GRID1: variants seen among roughly 807,000 people sequenced by gnomAD.
The protein encoded by GRID1 is glutamate ionotropic receptor delta type subunit 1, also known as glutamate receptor ionotropic, delta-1.
GRID1 carries 28 observed loss-of-function variants against 98.0 expected under a neutral mutation model. The observed-to-expected ratio is 0.29, with a 90% CI of 0.21 to 0.39. The LOEUF is 0.39. Ranked by LOEUF, GRID1 falls within the 10% of genes least tolerant of loss-of-function variation. The probability of loss-of-function intolerance (pLI) is 1.00; values close to 1 mark genes in which losing one functional copy is unlikely to be tolerated. For missense variants in GRID1, 1,111 were observed against 1,340.5 expected, an observed-to-expected ratio of 0.83 and a Z score of 2.67; for synonymous variants, 553 against 538.5, an observed-to-expected ratio of 1.03 and a Z score of -0.37.
intron 8 of GRID1, among the ~76,000 whole-genome samples, chr10:85,782,752 T>A (rs1842392243): frequency 6.6e-6 from 1 of 152,192 alleles, no homozygotes; most frequent in Non-Finnish European, 1.5e-5. Context: ...GGGCAGCTGC[T>A]GTGGAGCCAG....
At chr10:86,331,384 T>C (rs1848140033) in intron 2 of GRID1, among the ~76,000 whole-genome samples, 1 of 152,102 alleles carries the variant, frequency 6.6e-6, no homozygotes, top group Non-Finnish European at 1.5e-5. Context: ...GGGAGGCCAC[T>C]ACCTGCTGAG....
intron 8 of GRID1, among the ~76,000 whole-genome samples, chr10:85,847,534 A>G (rs1035124694): frequency 6.6e-6 from 1 of 152,242 alleles, no homozygotes; most frequent in African/African-American, 2.4e-5. Context: ...ATTTCTAAAA[A>G]TCAATGAGGA....
chr10:86,189,446 C>T (rs754331691), intron 3 of GRID1, among the ~76,000 whole-genome samples: 6 of 152,008 alleles, frequency 3.9e-5, no homozygotes, highest in Non-Finnish European at 5.9e-5. Flanking sequence ...ACACAGCCTC[C>T]TCATTACTCC....
At chr10:86,270,496 C>G (rs1344252601) in intron 2 of GRID1, among the ~76,000 whole-genome samples, 3 of 152,106 alleles carry the variant, frequency 2.0e-5, no homozygotes. Context: ...TCGAAACCAC[C>G]CTGGCCAACA....
chr10:85,630,896 T>G (rs1298935324), intron 13 of GRID1, among the ~76,000 whole-genome samples: 1 of 152,180 alleles, frequency 6.6e-6, no homozygotes, highest in Non-Finnish European at 1.5e-5. Context: ...GATCTTCTCT[T>G]GAACACAGGT....
intron 2 of GRID1, among the ~76,000 whole-genome samples, chr10:86,350,187 G>A (rs149455287): frequency 3.3e-5 from 5 of 152,318 alleles, no homozygotes; most frequent in East Asian, 3.9e-4. Context: ...GAGAAGTGGC[G>A]GCTAAGACAC....
chr10:85,894,275 G>A (rs1917141), intron 5 of GRID1, among the ~76,000 whole-genome samples: 37,362 of 151,974 alleles, frequency 0.25, 4,751 homozygotes, highest in African/African-American at 0.29. Context: ...AATAAAATAA[G>A]GATTAATCTT....
intron 2 of GRID1, among the ~76,000 whole-genome samples, chr10:86,235,880 A>G (rs1020415760): frequency 6.6e-6 from 1 of 152,258 alleles, no homozygotes; most frequent in Non-Finnish European, 1.5e-5. Context: ...GTATAGACAT[A>G]TGCTTCCTTT....
At chr10:86,040,452 C>G (rs766209242) in intron 4 of GRID1, among the ~76,000 whole-genome samples, 1 of 143,154 alleles carries the variant, frequency 7.0e-6, no homozygotes, top group Non-Finnish European at 1.5e-5. Context: ...TGAGTCATTA[C>G]GTTAAGGGAA....
chr10:85,989,484 A>G (rs1218965943), intron 4 of GRID1, among the ~76,000 whole-genome samples: 1 of 152,196 alleles, frequency 6.6e-6, no homozygotes, highest in African/African-American at 2.4e-5. Context: ...AGCAGGTGGT[A>G]AGCATCAGGC....
intron 8 of GRID1, among the ~76,000 whole-genome samples, chr10:85,752,273 G>A (rs1007377064): frequency 2.0e-5 from 3 of 152,142 alleles, no homozygotes; most frequent in Non-Finnish European, 4.4e-5. Context: ...ATGATGACTT[G>A]CACTCACAAG....
chr10:86,089,149 A>G (rs996717164), intron 4 of GRID1, among the ~76,000 whole-genome samples: 3 of 152,166 alleles, frequency 2.0e-5, no homozygotes, highest in African/African-American at 7.2e-5. Flanking sequence ...GGTTTAGTAT[A>G]GAGTCAGAAT....
intron 4 of GRID1, among the ~76,000 whole-genome samples, chr10:85,957,015 G>A (rs969266008): frequency 6.6e-6 from 1 of 152,190 alleles, no homozygotes; most frequent in African/African-American, 2.4e-5. Context: ...TCTTCACATG[G>A]TGGCAGGAGA....
chr10:86,258,392 G>C (rs1846959479), intron 2 of GRID1, among the ~76,000 whole-genome samples: 1 of 152,214 alleles, frequency 6.6e-6, no homozygotes, highest in African/African-American at 2.4e-5. Context: ...TTTGAGAAAT[G>C]TATTTGTCAG....
At position 85,613,565 on chromosome 10, in the gene GRID1, T is replaced by C; in HGVS notation, c.2443A>G (p.Ser815Gly). Residue 815 changes from serine to glycine, a missense_variant, in exon 15 of 16, where the codon AGC becomes GGC. This residue lies in a region of GRID1 where 762 missense variants were observed against 869.1 expected (regional missense o/e 0.88). Coordinates refer to ENST00000327946, the MANE Select transcript of GRID1 (RefSeq NM_017551.3). ...WPHMGRCDLT[S>G]HASAQADGKS... ...CCGTCGGCCTGGGCGCTGGCATGGC[T>C]GGTGAGGTCACAGCGGCCCATGTGC... 2 of 1,614,194 alleles carry C rather than the reference T, an allele frequency of 1.2e-6. No individual in the cohort carries two copies. Among genetic ancestry groups the C allele is most frequent in the Admixed American group, 3.3e-5 (2 of 60,034 alleles).
At chr10:85,857,828 C>T (rs1843127758) in intron 6 of GRID1, among the ~76,000 whole-genome samples, 1 of 152,176 alleles carries the variant, frequency 6.6e-6, no homozygotes, top group South Asian at 2.1e-4. Flanking sequence ...CTCACCCCTA[C>T]TCTCCTCAAT....
chr10:86,038,972 C>T (rs1005939515), intron 4 of GRID1, among the ~76,000 whole-genome samples: 2 of 152,168 alleles, frequency 1.3e-5, no homozygotes, highest in South Asian at 2.1e-4. Context: ...CAAACAAGCC[C>T]AGCCAATTTC....
intron 4 of GRID1, among the ~76,000 whole-genome samples, chr10:86,125,348 C>T (rs1844736924): frequency 6.6e-6 from 1 of 152,202 alleles, no homozygotes; most frequent in South Asian, 2.1e-4. Context: ...CTATAAGACC[C>T]ACGAACTGAA....
intron 2 of GRID1, among the ~76,000 whole-genome samples, chr10:86,262,434 CT>C (rs1847030100): frequency 6.6e-6 from 1 of 152,212 alleles, no homozygotes; most frequent in Non-Finnish European, 1.5e-5. Context: ...GTTCGGCCCC[CT>C]GGTCCATGCC....
Sources: gnomAD v4.1 joint callset for allele counts (sites outside exome capture counted in the v4.1 genomes callset) on GRCh38, gnomAD v4.1.1 for gene constraint, gnomAD v4.1.1 regional missense constraint, MANE v1.5 for transcripts, NCBI Gene and HGNC (gene_info 2026-07-23, HGNC 2026-07-21) for gene names.